The following CHN2 variants were observed in gnomAD, a reference collection of about 807,000 sequenced individuals.
The protein encoded by CHN2 is beta-chimaerin.
Under a neutral mutation model 56.3 loss-of-function variants are expected in CHN2, and 35 were observed. The ratio of observed to expected loss-of-function variants is 0.62; its 90% CI spans 0.47 to 0.82. CHN2 has a LOEUF of 0.82. CHN2 is among the 40% of genes least tolerant of loss of function. The probability of loss-of-function intolerance (pLI) is 0.00; values close to 1 mark genes in which losing one functional copy is unlikely to be tolerated. For synonymous variants in CHN2, 210 were observed against 212.8 expected (o/e 0.99, Z 0.12); for missense variants, 491 against 580.5 (o/e 0.85, Z 1.58).
chr7:29,482,865 A>G (rs1787470244), intron 7 of CHN2, among the ~76,000 whole-genome samples: 1 of 111,590 alleles, frequency 9.0e-6, no homozygotes, highest in Non-Finnish European at 1.7e-5. Context: ...TGTGTCTCCC[A>G]GGTTGGAGTG....
chr7:29,512,545 CTATATGTTT>C lies in CHN2; in HGVS notation c.1236-18_1236-10del, dbSNP rs1440026171. 3 of 1,603,382 alleles carry C rather than the reference CTATATGTTT, an allele frequency of 1.9e-6. No homozygotes were observed. Among genetic ancestry groups the C allele is most frequent in the African/African-American group, 1.3e-5 (1 of 74,468 alleles). ...CTCAAGTCTCCATAATGTCTCTGTT[CTATATGTTT>C]GTTTTGCAGGGTTACTATGAATGAA... On this transcript the variant is annotated splice_polypyrimidine_tract_variant and intron_variant, in intron 12 of 12. Coordinates refer to ENST00000222792, the MANE Select transcript of CHN2 (RefSeq NM_004067.4).
At chr7:29,475,246 AAAAAAGAAG>A (rs1430818777) in intron 6 of CHN2, among the ~76,000 whole-genome samples, 1 of 152,188 alleles carries the variant, frequency 6.6e-6, no homozygotes, top group Non-Finnish European at 1.5e-5. Flanking sequence ...AAAAGAAGAA[AAAAAAGAAG>A]TGGTGAGCTT....
At chr7:29,281,200 T>C (rs903878738) in intron 1 of CHN2, among the ~76,000 whole-genome samples, 1 of 152,260 alleles carries the variant, frequency 6.6e-6, no homozygotes, top group African/African-American at 2.4e-5. Flanking sequence ...CATTTTCTTG[T>C]GTACCCTTAA....
At chr7:29,162,520 G>A (rs1051073347) in intron 2 of CHN2, among the ~76,000 whole-genome samples, 2 of 152,058 alleles carry the variant, frequency 1.3e-5, no homozygotes, top group African/African-American at 2.4e-5. Context: ...AATTAGCTGG[G>A]CATGGTGGCG....
chr7:29,156,430 G>A (rs575625883), intron 2 of CHN2, among the ~76,000 whole-genome samples: 9 of 152,146 alleles, frequency 5.9e-5, no homozygotes, highest in Middle Eastern at 3.4e-3. Context: ...TCCAAAACCC[G>A]AAAACTCCAT....
chr7:29,405,165 AC>A (rs1175333136), intron 6 of CHN2, among the ~76,000 whole-genome samples: 5 of 11,558 alleles, frequency 4.3e-4, no homozygotes, highest in Non-Finnish European at 6.9e-4. Context: ...ATGTCACCAT[AC>A]ACACACACAC....
At chr7:29,259,122 G>A (rs570737728) in intron 1 of CHN2, among the ~76,000 whole-genome samples, 27 of 152,118 alleles carry the variant, frequency 1.8e-4, no homozygotes, top group South Asian at 4.1e-4. Flanking sequence ...GAACCCAGGC[G>A]TTTGAGACCA....
intron 1 of CHN2, among the ~76,000 whole-genome samples, chr7:29,248,160 G>A (rs1402525801): frequency 2.0e-5 from 3 of 152,238 alleles, no homozygotes; most frequent in Admixed American, 2.0e-4. Flanking sequence ...AGTCTGGCCA[G>A]GCAGTTGAAA....
chr7:29,492,235 A>C (rs1788741661), intron 7 of CHN2, among the ~76,000 whole-genome samples: 1 of 151,948 alleles, frequency 6.6e-6, no homozygotes, highest in African/African-American at 2.4e-5. Context: ...CTCTATTTTT[A>C]CCTATTTCTC....
intron 7 of CHN2, among the ~76,000 whole-genome samples, chr7:29,492,794 G>C (rs1456742587): frequency 2.0e-5 from 3 of 152,122 alleles, no homozygotes; most frequent in Non-Finnish European, 4.4e-5. Flanking sequence ...TGTTGCTAAG[G>C]TTGCTAATGA....
chr7:29,411,526 G>C (rs965773992), intron 6 of CHN2, among the ~76,000 whole-genome samples: 2 of 152,146 alleles, frequency 1.3e-5, no homozygotes, highest in African/African-American at 4.8e-5. Flanking sequence ...TCCCAGAGGT[G>C]GATTTGTGAT....
chr7:29,336,829 A>G (rs191976368), intron 1 of CHN2, among the ~76,000 whole-genome samples: 1 of 148,116 alleles, frequency 6.8e-6, no homozygotes, highest in Non-Finnish European at 1.5e-5. Flanking sequence ...GCTTCTCAGA[A>G]TGCTTGAAGT....
At chr7:29,323,688 G>T (rs1378748496) in intron 1 of CHN2, among the ~76,000 whole-genome samples, 1 of 151,882 alleles carries the variant, frequency 6.6e-6, no homozygotes, top group Non-Finnish European at 1.5e-5. Flanking sequence ...TGATTGGTTG[G>T]GGCAGAGATT....
intron 1 of CHN2, among the ~76,000 whole-genome samples, chr7:29,256,120 A>C (rs1789058490): frequency 6.6e-6 from 1 of 152,208 alleles, no homozygotes; most frequent in African/African-American, 2.4e-5. Flanking sequence ...GTGATGTTAC[A>C]GTGAGCTTTC....
rs1423051149 is a variant in CHN2, at chr7:29,398,367, C to A, written c.177-6C>A. 1 of 1,601,890 alleles carries A rather than the reference C, an allele frequency of 6.2e-7. No individual in the cohort carries two copies. The highest frequency in any genetic ancestry group is 2.2e-5 in the East Asian group (1 of 44,836). Reference sequence around the variant, plus strand: ...GTTCAGAGCATTGATGGTCTTGTACCTTCAGGTTTCATGGGATCATCTCTC... The same window carrying A: ...GTTCAGAGCATTGATGGTCTTGTACATTCAGGTTTCATGGGATCATCTCTC... On this transcript the variant is annotated splice_polypyrimidine_tract_variant and splice_region_variant and intron_variant, in intron 4 of 12. Coordinates refer to ENST00000222792, the MANE Select transcript of CHN2 (RefSeq NM_004067.4).
In CHN2 at chr7:29,500,046, G is replaced by A. The variant is rs1789779665; in HGVS notation, c.913+6G>A. 2.0e-6 allele frequency: 3 copies of A among 1,526,278 alleles called. No homozygotes were observed. Among genetic ancestry groups the A allele is most frequent in the Non-Finnish European group, 1.8e-6 (2 of 1,135,330 alleles). The allele number at this position is 1,526,278 out of a possible 1,614,324, so 94.5% of individuals were successfully genotyped here. ...TCGGGAAATTGAAGCAAGAGGTTTG[G>A]AAAATACTTCCTATTATAGTAGTAT... On this transcript the variant is annotated splice_donor_region_variant and intron_variant, in intron 9 of 12. Coordinates refer to ENST00000222792, the MANE Select transcript of CHN2 (RefSeq NM_004067.4).
intron 6 of CHN2, among the ~76,000 whole-genome samples, chr7:29,437,384 G>A (rs1030458415): frequency 1.2e-5 from 1 of 85,762 alleles, no homozygotes; most frequent in Non-Finnish European, 2.3e-5. Context: ...GGATCACGAG[G>A]TCAGGAGATC....
chr7:29,449,776 G>C lies in CHN2; in HGVS notation c.577-30503G>C, dbSNP rs1028203461. On this transcript the variant is annotated intron_variant, in intron 6 of 12. Transcript: ENST00000222792. The stretch of plus-strand genomic sequence containing the variant: ...GGGCTCAGGTAAAGGCCCTGCTACA[G>C]AAGGCAGGGGTACAGATGTTCAAGG... Among the ~76,000 whole-genome samples, 17 of 152,366 alleles carry C rather than the reference G, an allele frequency of 1.1e-4. No individual in the cohort carries two copies. In the East Asian group the frequency reaches 1.7e-3, roughly 16 times the overall value.
intron 2 of CHN2, among the ~76,000 whole-genome samples, chr7:29,359,784 G>T (rs1327948663): frequency 6.6e-6 from 1 of 152,182 alleles, no homozygotes; most frequent in Non-Finnish European, 1.5e-5. Context: ...AGCCAGAACT[G>T]TATGAACTTT....
Sources: gnomAD v4.1 joint callset for allele counts (sites outside exome capture counted in the v4.1 genomes callset) on GRCh38, gnomAD v4.1.1 for gene constraint, MANE v1.5 for transcripts, NCBI Gene and HGNC (gene_info 2026-07-23, HGNC 2026-07-21) for gene names.